Variants in HSPBAP1 observed in about 807,000 individuals in gnomAD.
HSPBAP1 encodes the protein HSPB1 associated protein 1.
In HSPBAP1, 27 loss-of-function variants were observed where a neutral mutation model predicts 45.2. The observed-to-expected ratio is 0.60, with a 90% confidence interval of 0.44 to 0.82. HSPBAP1 has a LOEUF of 0.82. Ranked by LOEUF, HSPBAP1 falls within the 40% of genes least tolerant of loss-of-function variation. HSPBAP1 has a pLI of 0.00. For missense variants in HSPBAP1, 510 were observed against 590.9 expected, an observed-to-expected ratio of 0.86 and a Z score of 1.42; for synonymous variants, 204 against 202.7, an observed-to-expected ratio of 1.01 and a Z score of -0.06.
chr3:122,756,602 G>A (rs1421707684), intron 4 of HSPBAP1, among the ~76,000 whole-genome samples: 1 of 152,000 alleles, frequency 6.6e-6, no homozygotes, highest in Non-Finnish European at 1.5e-5. Context: ...GGAGGCTGAG[G>A]TGGGAGGATT....
At chr3:122,778,380 C>T (rs1445533922) in intron 1 of HSPBAP1, among the ~76,000 whole-genome samples, 1 of 151,718 alleles carries the variant, frequency 6.6e-6, no homozygotes, top group African/African-American at 2.4e-5. Flanking sequence ...GATTGGTTGC[C>T]TATAGACTAC....
At chr3:122,777,059 T>C (rs1195674612) in intron 2 of HSPBAP1, among the ~76,000 whole-genome samples, 6 of 152,208 alleles carry the variant, frequency 3.9e-5, no homozygotes, top group Non-Finnish European at 8.8e-5. Context: ...TTAGAGTTAA[T>C]GGTAAATTAC....
At chr3:122,771,686 T>C (rs558208905) in intron 2 of HSPBAP1, among the ~76,000 whole-genome samples, 1 of 151,258 alleles carries the variant, frequency 6.6e-6, no homozygotes, top group East Asian at 1.9e-4. Flanking sequence ...CCAACTGAGA[T>C]ACAACACTGC....
intron 2 of HSPBAP1, among the ~76,000 whole-genome samples, chr3:122,775,857 G>T (rs1935176852): frequency 6.6e-6 from 1 of 152,164 alleles, no homozygotes; most frequent in African/African-American, 2.4e-5. Context: ...GCCAAAAAAT[G>T]GAATGACTCA....
intron 2 of HSPBAP1, 106 bp from the exon 3 acceptor site, chr3:122,768,988 G>A (rs1934885808): frequency 3.6e-6 from 3 of 826,334 alleles, no homozygotes; most frequent in South Asian, 2.0e-5. Flanking sequence ...TAACTTTGAA[G>A]ACTAATTAAA....
intron 5 of HSPBAP1, chr3:122,754,636 A>G (rs72966381): frequency 0.079 from 77,778 of 984,654 alleles, 3,467 homozygotes; most frequent in African/African-American, 0.17. Flanking sequence ...AGAGAATAAA[A>G]TCTTCTTAAG....
chr3:122,793,805 G>C lies in HSPBAP1; in HGVS notation c.-125C>G, dbSNP rs1467525524. The C allele has an allele frequency of 5.1e-6, 4 of 782,710 alleles. No individual in the cohort carries two copies. The highest frequency in any genetic ancestry group is 6.2e-6 in the Non-Finnish European group (3 of 486,792). 48.5% of individuals were successfully genotyped at this position (782,710 alleles called of 1,614,324 possible). ...GAAGGAGCCCCGGCGACTCCCGCCC[G>C]GCTCCTACGGAAACGCCGGCTCTCA... On this transcript the variant is annotated 5_prime_UTR_variant, in exon 1 of 8. Coordinates refer to ENST00000306103, the MANE Select transcript of HSPBAP1 (RefSeq NM_024610.6).
Position 122,745,850 on chromosome 3 carries a change from A to G in HSPBAP1, c.826-4737T>C, listed in dbSNP as rs571888062. ...GGTCTATGGTAAGAAGAAATCTTCT[A>G]TCTACAAAACTGTCAAGAGAAAAAA... On this transcript the variant is annotated intron_variant, in intron 6 of 7. Coordinates refer to ENST00000306103, the MANE Select transcript of HSPBAP1 (RefSeq NM_024610.6). 3.0e-4 allele frequency among the ~76,000 whole-genome samples: 45 copies of G among 152,330 alleles called. 1 individual carries two copies. The South Asian group carries it at 7.0e-3, about 24-fold the overall frequency.
intron 2 of HSPBAP1, among the ~76,000 whole-genome samples, chr3:122,775,549 C>T (rs915214920): frequency 1.3e-5 from 2 of 152,026 alleles, no homozygotes; most frequent in Non-Finnish European, 2.9e-5. Flanking sequence ...CTCCTGACCT[C>T]GTGATCCACC....
intron 1 of HSPBAP1, among the ~76,000 whole-genome samples, chr3:122,782,018 A>G (rs1406429450): frequency 6.6e-6 from 1 of 152,222 alleles, no homozygotes; most frequent in East Asian, 1.9e-4. Flanking sequence ...TATTTACAAT[A>G]TACAATGTCA....
At chr3:122,770,358 C>G (rs552436092) in intron 2 of HSPBAP1, among the ~76,000 whole-genome samples, 1 of 152,174 alleles carries the variant, frequency 6.6e-6, no homozygotes, top group African/African-American at 2.4e-5. Flanking sequence ...TTGTAAAGCA[C>G]TTAGTGCCTG....
chr3:122,775,609 C>T (rs530209893), intron 2 of HSPBAP1, among the ~76,000 whole-genome samples: 88 of 152,192 alleles, frequency 5.8e-4, no homozygotes, highest in South Asian at 3.1e-3. Flanking sequence ...CCACTGCGTC[C>T]GGCCTAGAAT....
chr3:122,748,190 C>T (rs1159369183), intron 6 of HSPBAP1, among the ~76,000 whole-genome samples: 1 of 152,066 alleles, frequency 6.6e-6, no homozygotes, highest in South Asian at 2.1e-4. Context: ...GCAGCGTGCT[C>T]GTTGAGAGTC....
At chr3:122,773,536 G>C (rs923480118) in intron 2 of HSPBAP1, among the ~76,000 whole-genome samples, 1 of 151,986 alleles carries the variant, frequency 6.6e-6, no homozygotes, top group African/African-American at 2.4e-5. Context: ...GGCTGGTCTC[G>C]AACTCCTGAG....
chr3:122,787,328 C>T (rs1935688892), intron 1 of HSPBAP1, among the ~76,000 whole-genome samples: 1 of 152,168 alleles, frequency 6.6e-6, no homozygotes, highest in Admixed American at 6.5e-5. Flanking sequence ...CCTAATTTCT[C>T]TGAGAACGCC....
intron 1 of HSPBAP1, 152 bp downstream of exon 1, chr3:122,793,465 G>C: frequency 1.5e-6 from 1 of 673,428 alleles, no homozygotes; most frequent in Non-Finnish European, 2.6e-6. Flanking sequence ...GAAATGCCAC[G>C]CTCACTAGAA....
At chr3:122,763,202 T>G (rs1934660214) in intron 3 of HSPBAP1, among the ~76,000 whole-genome samples, 1 of 152,216 alleles carries the variant, frequency 6.6e-6, no homozygotes, top group Admixed American at 6.5e-5. Flanking sequence ...ACTATATGAT[T>G]CCATTTTTAT....
At position 122,747,221 on chromosome 3, in the gene HSPBAP1, C is replaced by T. The variant is rs1208746654; in HGVS notation, c.825+5370G>A. Among the ~76,000 whole-genome samples the T allele has an allele frequency of 3.3e-5, 5 of 151,594 alleles. No homozygotes were observed. In the East Asian group the frequency reaches 9.8e-4, roughly 30 times the overall value. On this transcript the variant is annotated intron_variant, in intron 6 of 7. Transcript: ENST00000306103. ...CTAGGAAGTGAGGAGTGCCTCTTCC[C>T]GGCTGCCATCCCATCTAGGAAGTGA...
At chr3:122,758,812 G>A in intron 4 of HSPBAP1, 1 of 454,226 alleles carries the variant, frequency 2.2e-6, no homozygotes, top group East Asian at 7.0e-5. Flanking sequence ...CAGGAGGATG[G>A]CTTGAGGTCC....
Sources: allele counts gnomAD v4.1 joint callset (sites outside exome capture counted in the v4.1 genomes callset), GRCh38; gene constraint gnomAD v4.1.1; transcripts MANE v1.5; gene names NCBI Gene and HGNC (gene_info 2026-07-23, HGNC 2026-07-21).